KCTD8: variants seen among roughly 807,000 people sequenced by gnomAD.
The protein encoded by KCTD8 is potassium channel tetramerization domain containing 8, also known as BTB/POZ domain-containing protein KCTD8.
Under a neutral mutation model 31.5 loss-of-function variants are expected in KCTD8, and 27 were observed. The observed-to-expected ratio is 0.86, with a 90% CI of 0.63 to 1.18. The LOEUF is 1.18. KCTD8 is among the 50% of genes most tolerant of loss of function. The pLI, the probability that KCTD8 is intolerant of heterozygous loss-of-function variation, is 0.00. For synonymous variants in KCTD8, 290 were observed against 280.0 expected, an observed-to-expected ratio of 1.04 and a Z score of -0.36; for missense variants, 658 against 647.7, an observed-to-expected ratio of 1.02 and a Z score of -0.17.
intron 1 of KCTD8, among the ~76,000 whole-genome samples, chr4:44,288,977 T>C (rs987890197): frequency 2.6e-5 from 4 of 151,564 alleles, no homozygotes; most frequent in African/African-American, 7.2e-5. Flanking sequence ...TTAAAAATGA[T>C]ACAGGTTAAA....
intron 1 of KCTD8, among the ~76,000 whole-genome samples, chr4:44,246,697 CAT>C (rs1197047540): frequency 2.0e-5 from 3 of 152,014 alleles, no homozygotes; most frequent in African/African-American, 4.8e-5. Flanking sequence ...TTCTCAATCA[CAT>C]GACTTATTTC....
At chr4:44,422,259 T>C (rs985792816) in intron 1 of KCTD8, among the ~76,000 whole-genome samples, 9 of 152,230 alleles carry the variant, frequency 5.9e-5, no homozygotes, top group Middle Eastern at 6.8e-3. Flanking sequence ...TCTTATAATT[T>C]AAGAATTAAG....
intron 1 of KCTD8, among the ~76,000 whole-genome samples, chr4:44,414,199 G>GAA (rs60610727): frequency 7.0e-6 from 1 of 142,964 alleles, no homozygotes; most frequent in African/African-American, 2.5e-5. Context: ...ACAGAGTCCT[G>GAA]AAAAAAAAAA....
chr4:44,239,646 G>GA (rs1023968030), intron 1 of KCTD8, among the ~76,000 whole-genome samples: 36 of 152,184 alleles, frequency 2.4e-4, no homozygotes, highest in African/African-American at 8.4e-4. Context: ...TTGATGGAGA[G>GA]AAAAAATCCC....
At chr4:44,336,067 G>A (rs1433822699) in intron 1 of KCTD8, among the ~76,000 whole-genome samples, 4 of 142,214 alleles carry the variant, frequency 2.8e-5, no homozygotes, top group African/African-American at 1.0e-4. Flanking sequence ...GGAGAATGGC[G>A]TGAACCCGGG....
chr4:44,176,899 C>CTATCTATCTATA, intron 1 of KCTD8, among the ~76,000 whole-genome samples: 1 of 151,898 alleles, frequency 6.6e-6, no homozygotes, highest in East Asian at 1.9e-4. Context: ...ATCTATCTAT[C>CTATCTATCTATA]TCAGGGAAAG....
intron 1 of KCTD8, among the ~76,000 whole-genome samples, chr4:44,226,391 A>G (rs1049652822): frequency 9.9e-5 from 15 of 152,164 alleles, no homozygotes; most frequent in African/African-American, 3.6e-4. Context: ...TTATGGCTGC[A>G]TAGTATTCCA....
Position 44,448,124 on chromosome 4 carries a change from C to T in KCTD8, c.400G>A (p.Ala134Thr). ...AAGTCGGTGAGCTGGAAATACTCGG[C>T]CTCGCGCAGCAGCCGCTCCTTCTCG... ...FPEKERLLRE[A>T]EYFQLTDLVK... Residue 134 changes from alanine to threonine, a missense_variant, in exon 1 of 2, where the codon GCC becomes ACC. Coordinates refer to ENST00000360029, the MANE Select transcript of KCTD8 (RefSeq NM_198353.3). The surrounding 1 kb of genome is among the most constrained non-coding windows in gnomAD (Gnocchi z 4.1). 2 of 1,612,682 alleles carry T rather than the reference C, an allele frequency of 1.2e-6. No individual in the cohort carries two copies. The highest frequency in any genetic ancestry group is 1.7e-6 in the Non-Finnish European group (2 of 1,179,860).
At chr4:44,418,583 A>G (rs563457589) in intron 1 of KCTD8, among the ~76,000 whole-genome samples, 1 of 152,316 alleles carries the variant, frequency 6.6e-6, no homozygotes, top group African/African-American at 2.4e-5. Flanking sequence ...AAAGCAGTGG[A>G]TACGAAAATA....
rs777894935 is a variant in KCTD8 at position 44,175,125 on chromosome 4, G to A, written c.1087C>T (p.His363Tyr). 3 of 1,613,962 alleles carry A rather than the reference G, an allele frequency of 1.9e-6. No homozygotes were observed. Among genetic ancestry groups the A allele is most frequent in the South Asian group, 1.1e-5 (1 of 91,068 alleles). The change falls in exon 2 of 2, where the codon CAT (histidine) becomes TAT (tyrosine). Residue 363 changes from histidine (H) to tyrosine (Y), a missense_variant. Transcript: ENST00000360029. ...NELSTSSCDS[H>Y]SEASTPQDNP... ...TCCTGGGGAGTGCTTGCCTCTGAAT[G>A]GCTGTCACAACTGGAAGTGGAGAGC...
chr4:44,286,387 G>A (rs1341557487), intron 1 of KCTD8, among the ~76,000 whole-genome samples: 2 of 152,020 alleles, frequency 1.3e-5, no homozygotes, highest in African/African-American at 4.8e-5. Context: ...AATTGCTCAG[G>A]AGAAAAACGC....
chr4:44,344,865 C>G (rs10014687), intron 1 of KCTD8, among the ~76,000 whole-genome samples: 192 of 152,184 alleles, frequency 1.3e-3, no homozygotes, highest in African/African-American at 4.2e-3. Context: ...CTAAACTTAC[C>G]CTTTCTATTA....
intron 1 of KCTD8, among the ~76,000 whole-genome samples, chr4:44,257,937 C>T (rs1332861511): frequency 6.6e-6 from 1 of 151,956 alleles, no homozygotes; most frequent in African/African-American, 2.4e-5. Context: ...CATGGACAGC[C>T]TCATTCTTCA....
At chr4:44,365,697 T>C (rs1353380367) in intron 1 of KCTD8, among the ~76,000 whole-genome samples, 2 of 152,136 alleles carry the variant, frequency 1.3e-5, no homozygotes, top group Non-Finnish European at 2.9e-5. Context: ...CTGCAAACTT[T>C]TTGGAGGGCA....
At chr4:44,203,683 T>C (rs1714217769) in intron 1 of KCTD8, among the ~76,000 whole-genome samples, 1 of 151,652 alleles carries the variant, frequency 6.6e-6, no homozygotes, top group South Asian at 2.1e-4. Context: ...AAAAGCTTTC[T>C]GTTGAGAAAA....
chr4:44,280,776 A>C (rs370508569), intron 1 of KCTD8, among the ~76,000 whole-genome samples: 2 of 152,242 alleles, frequency 1.3e-5, no homozygotes, highest in South Asian at 2.1e-4. Context: ...AAATTCTTGC[A>C]ACCCACTATT....
At chr4:44,327,538 G>A (rs1718481125) in intron 1 of KCTD8, among the ~76,000 whole-genome samples, 1 of 151,366 alleles carries the variant, frequency 6.6e-6, no homozygotes, top group Non-Finnish European at 1.5e-5. Context: ...AATCCCAAAG[G>A]GTATATTGAA....
chr4:44,223,260 T>C (rs1206675609), intron 1 of KCTD8, among the ~76,000 whole-genome samples: 1 of 152,186 alleles, frequency 6.6e-6, no homozygotes, highest in African/African-American at 2.4e-5. Context: ...ACTGGATAGA[T>C]GACAGGCAAT....
At chr4:44,328,520 C>T (rs1405558058) in intron 1 of KCTD8, among the ~76,000 whole-genome samples, 1 of 151,904 alleles carries the variant, frequency 6.6e-6, no homozygotes, top group Non-Finnish European at 1.5e-5. Flanking sequence ...GCACTCTATA[C>T]ATGTAGGACA....
Sources: gnomAD v4.1 joint callset for allele counts (sites outside exome capture counted in the v4.1 genomes callset) on GRCh38, gnomAD v4.1.1 for gene constraint, Gnocchi (gnomAD v3.1) non-coding constraint, MANE v1.5 for transcripts, NCBI Gene and HGNC (gene_info 2026-07-23, HGNC 2026-07-21) for gene names.